CCDC9: variants seen among roughly 807,000 people sequenced by gnomAD.
The protein encoded by CCDC9 is coiled-coil domain-containing protein 9.
A neutral mutation model predicts 65.6 loss-of-function variants in CCDC9; 52 were observed. The ratio of observed to expected loss-of-function variants is 0.79; its 90% confidence interval spans 0.63 to 1.00. The LOEUF (loss-of-function observed/expected upper bound fraction) is 1.00, where lower values mean the gene tolerates loss of function less well. Ranked by LOEUF, CCDC9 falls within the 50% of genes least tolerant of loss-of-function variation. The pLI, the probability that CCDC9 is intolerant of heterozygous loss-of-function variation, is 0.00. For synonymous variants in CCDC9, 332 were observed against 280.3 expected (o/e 1.18, Z -1.84); for missense variants, 834 against 757.2 (o/e 1.10, Z -1.19).
chr19:47,266,773 G>GCCGAGAAGA lies in CCDC9; in HGVS notation c.888_896dup (p.Glu296_Thr298dup), dbSNP rs1350181018. ...TGGCCAGTGGAGGCGCGAGTGGGAT[G>GCCGAGAAGA]CCGAGAAGACCGATGGGATGTGAGT... On this transcript the variant is annotated inframe_insertion, in exon 8 of 12. Transcript: ENST00000221922. 1.2e-6 allele frequency: 2 copies of GCCGAGAAGA among 1,609,308 alleles called. No individual in the cohort carries two copies. Among genetic ancestry groups the GCCGAGAAGA allele is most frequent in the Non-Finnish European group, 1.7e-6 (2 of 1,177,968 alleles).
At position 47,271,507 on chromosome 19, in the gene CCDC9, G is replaced by T. The variant is rs997100351; in HGVS notation, c.1425G>T (p.Glu475Asp). The change falls in exon 12 of 12, where the codon GAG (glutamate) becomes GAT (aspartate). Residue 475 changes from glutamate (E) to aspartate (D), a missense_variant. Physicochemically the swap from Glu to Asp is conservative, Grantham distance 45. Coordinates refer to ENST00000221922, the MANE Select transcript of CCDC9 (RefSeq NM_015603.3). ...QAHGVPFSPE[E>D]PLLEPQAPGT... ...ACGGAGTCCCCTTCAGTCCGGAGGA[G>T]CCCCTGCTGGAGCCCCAGGCCCCTG... 2 of 1,612,816 alleles carry T rather than the reference G, an allele frequency of 1.2e-6. No homozygotes were observed. Among genetic ancestry groups the T allele is most frequent in the Non-Finnish European group, 1.7e-6 (2 of 1,179,788 alleles).
rs1239718795 is a variant in CCDC9, at chr19:47,262,843, TG to T, written c.463-1757del. 2.6e-5 allele frequency among the ~76,000 whole-genome samples: 4 copies of T among 152,074 alleles called. No individual in the cohort carries two copies. In the East Asian group the frequency reaches 7.7e-4, roughly 29 times the overall value. On this transcript the variant is annotated intron_variant, in intron 5 of 11. Coordinates refer to ENST00000221922, the MANE Select transcript of CCDC9 (RefSeq NM_015603.3). ...GTATGGGCTTGTGGTCCTAGCTACT[TG>T]GGAAGCTAAGGTGGGAGGATCGCTT... is the stretch of plus-strand genomic sequence containing the variant.
At position 47,264,670 on chromosome 19, in the gene CCDC9, A is replaced by G. The variant is rs1296993214; in HGVS notation, c.530A>G (p.Tyr177Cys). ...GAGGAGATGGAGAAGATCGCCGAGT[A>G]TGAGCGCAACCAGCGGGTCAGTGGT... ...MNEEMEKIAEYERNQREGVLE... is the reference protein window; with the variant it reads ...MNEEMEKIAECERNQREGVLE... Residue 177 changes from tyrosine to cysteine, a missense_variant, in exon 6 of 12, where the codon TAT (tyrosine) becomes TGT (cysteine). Tyr to Cys is a radical substitution (Grantham distance 194). Transcript: ENST00000221922. The G allele has an allele frequency of 2.5e-6, 4 of 1,605,620 alleles. No homozygotes were observed. In the East Asian group the frequency reaches 6.7e-5, roughly 27 times the overall value.
At chr19:47,271,991 C>G (rs981608478), downstream of CCDC9, 5 of 1,249,572 alleles carry the variant, frequency 4.0e-6, no homozygotes, top group African/African-American at 1.5e-5. Context: ...CCCCCTTCAA[C>G]TCCCCCTGGG....
chr19:47,270,718 C>T, intron 10 of CCDC9, 30 bp downstream of exon 10: 1 of 1,586,984 alleles, frequency 6.3e-7, no homozygotes, highest in Non-Finnish European at 8.6e-7. Flanking sequence ...GGCTTGCATA[C>T]CCCCAGGGCT....
chr19:47,268,167 T>A (rs1175975588), intron 8 of CCDC9, among the ~76,000 whole-genome samples: 1 of 152,052 alleles, frequency 6.6e-6, no homozygotes, highest in East Asian at 1.9e-4. Flanking sequence ...CTTAACCCAG[T>A]GGCATTGTTA....
At chr19:47,275,174 C>T (rs756080479), downstream of CCDC9, 30 of 1,466,268 alleles carry the variant, frequency 2.0e-5, no homozygotes, top group Admixed American at 5.2e-5. Context: ...TGCCGCCTGT[C>T]CCGGCGCCCG....
downstream of CCDC9, among the ~76,000 whole-genome samples, chr19:47,272,698 C>G (rs1333468374): frequency 6.6e-6 from 1 of 152,124 alleles, no homozygotes; most frequent in Non-Finnish European, 1.5e-5. Flanking sequence ...CTCGAAAAGG[C>G]CAAAGAGATG....
chr19:47,260,160 C>T (rs946990234), intron 3 of CCDC9, among the ~76,000 whole-genome samples, 161 bp from the exon 4 acceptor site: 2 of 152,128 alleles, frequency 1.3e-5, no homozygotes, highest in African/African-American at 2.4e-5. Context: ...CTGAGTGGGG[C>T]TGCAACGTGC....
In CCDC9 at chr19:47,260,818, A is replaced by G. The variant is rs2059040216; in HGVS notation, c.441A>G (p.Ser147=). ...ACCTCTCTGGAGCTGGAGACACCTC[A>G]ATCTCTGACCGTAAATCCAAGGTAG... ...SPHLSGAGDT[S]ISDRKSKEWE... The change falls in exon 5 of 12, where the codon TCA becomes TCG. Residue 147 remains serine (S), a synonymous_variant. Transcript: ENST00000221922. 6.2e-7 allele frequency: 1 copy of G among 1,612,988 alleles called. No homozygotes were observed. Among genetic ancestry groups the G allele is most frequent in the Non-Finnish European group, 8.5e-7 (1 of 1,179,534 alleles).
chr19:47,274,859 C>CG (rs1349104809), downstream of CCDC9: 8 of 906,084 alleles, frequency 8.8e-6, no homozygotes, highest in Non-Finnish European at 1.0e-5. Context: ...GGGGTGGGGG[C>CG]GGGGCCTGGT....
At chr19:47,260,192 G>A (rs963844324) in intron 3 of CCDC9, 129 bp from the exon 4 acceptor site, 8 of 651,316 alleles carry the variant, frequency 1.2e-5, no homozygotes, top group South Asian at 3.6e-5. Context: ...GGATATGAGC[G>A]GCCTTCTTGT....
chr19:47,270,523 C>A, intron 9 of CCDC9, 30 bp from the exon 10 acceptor site: 1 of 1,614,182 alleles, frequency 6.2e-7, no homozygotes, highest in Non-Finnish European at 8.5e-7. Context: ...CACACCTTCC[C>A]TTCCCAATGA....
intron 1 of CCDC9, chr19:47,258,048 TG>T: frequency 2.7e-6 from 1 of 376,454 alleles, no homozygotes; most frequent in Non-Finnish European, 4.9e-6. Context: ...AGAGCAGTGT[TG>T]GATACTTAAG....
chr19:47,271,802 T>G lies in CCDC9; in HGVS notation c.*124T>G. 1 of 1,445,978 alleles carries G rather than the reference T, an allele frequency of 6.9e-7. No individual in the cohort carries two copies. Among genetic ancestry groups the G allele is most frequent in the Non-Finnish European group, 9.1e-7 (1 of 1,104,810 alleles). 89.6% of individuals were successfully genotyped at this position (1,445,978 alleles called of 1,614,324 possible). A position where few individuals can be genotyped will look rare whatever the true frequency, so the allele number is the denominator to read the frequency against. ...GTGGGGGACCCTTGGGGCTGGGCCCTGGGACCCAGTGTGCCCCACAGCCCT... is the reference window on the plus strand; with the variant it reads ...GTGGGGGACCCTTGGGGCTGGGCCCGGGGACCCAGTGTGCCCCACAGCCCT... On this transcript the variant is annotated 3_prime_UTR_variant, in exon 12 of 12. Coordinates refer to ENST00000221922, the MANE Select transcript of CCDC9 (RefSeq NM_015603.3).
downstream of CCDC9, chr19:47,274,025 G>T: frequency 1.0e-6 from 1 of 974,276 alleles, no homozygotes; most frequent in African/African-American, 1.8e-5. Flanking sequence ...CGCCTTGATG[G>T]GGAGGGGGCG....
downstream of CCDC9, chr19:47,275,501 G>A (rs2059154468): frequency 1.8e-6 from 2 of 1,123,394 alleles, no homozygotes; most frequent in Middle Eastern, 3.0e-4. Context: ...GGCCCAGGGG[G>A]TGTCAGCTCG....
At chr19:47,272,162 G>A (rs1157643029), downstream of CCDC9, 4 of 1,235,090 alleles carry the variant, frequency 3.2e-6, no homozygotes, top group Non-Finnish European at 4.0e-6. Context: ...GCAACTCCAG[G>A]TGGGGGAGTG....
chr19:47,261,115 C>T lies in CCDC9; in HGVS notation c.462+276C>T, dbSNP rs997348438. On this transcript the variant is annotated intron_variant, in intron 5 of 11. Transcript: ENST00000221922. ...TACTCCTGCTCCCCGTCTTCTTGTT[C>T]CTCCTCGCCTTCCTTCCCTCCCCTC... Among the ~76,000 whole-genome samples, 2 of 152,140 alleles carry T rather than the reference C, an allele frequency of 1.3e-5. 1 individual carries two copies. Among genetic ancestry groups the T allele is most frequent in the Middle Eastern group, 6.8e-3 (2 of 294 alleles).
Sources: gnomAD v4.1 joint callset for allele counts (sites outside exome capture counted in the v4.1 genomes callset) on GRCh38, gnomAD v4.1.1 for gene constraint, MANE v1.5 for transcripts, NCBI Gene and HGNC (gene_info 2026-07-23, HGNC 2026-07-21) for gene names.